Variants in MBNL1 observed in about 807,000 individuals in gnomAD.
The protein encoded by MBNL1 is muscleblind-like protein 1.
In MBNL1, 8 loss-of-function variants were observed where a neutral mutation model predicts 42.2. That is an observed-to-expected ratio of 0.19 (90% CI 0.11 to 0.34). MBNL1 has a LOEUF of 0.34. Ranked by LOEUF, MBNL1 falls within the 10% of genes least tolerant of loss-of-function variation. The pLI, the probability that MBNL1 is intolerant of heterozygous loss-of-function variation, is 1.00. For synonymous variants in MBNL1, 169 were observed against 173.9 expected (o/e 0.97, Z 0.22); for missense variants, 309 against 495.3 (o/e 0.62, Z 3.57).
chr3:152,453,550 T>A (rs1254454826), intron 6 of MBNL1, among the ~76,000 whole-genome samples: 1 of 152,226 alleles, frequency 6.6e-6, no homozygotes, highest in East Asian at 1.9e-4. Flanking sequence ...TAGTAGTAAA[T>A]CAACCCATGT....
intron 2 of MBNL1, among the ~76,000 whole-genome samples, chr3:152,313,215 G>A (rs910112867): frequency 6.6e-6 from 1 of 152,048 alleles, no homozygotes; most frequent in Non-Finnish European, 1.5e-5. Flanking sequence ...AATAGAGACA[G>A]GGTTTCACCA....
At chr3:152,456,087 C>A (rs912652607) in intron 7 of MBNL1, among the ~76,000 whole-genome samples, 180 bp from the exon 8 acceptor site, 7 of 152,074 alleles carry the variant, frequency 4.6e-5, no homozygotes, top group African/African-American at 1.7e-4. Context: ...CTCCCCTTCT[C>A]TCCTTGGAAT....
At chr3:152,436,908 C>G (rs2099085804) in intron 4 of MBNL1, among the ~76,000 whole-genome samples, 1 of 152,132 alleles carries the variant, frequency 6.6e-6, no homozygotes, top group Non-Finnish European at 1.5e-5. Flanking sequence ...AGCTTCCTGT[C>G]TTATTCTTGT....
intron 2 of MBNL1, among the ~76,000 whole-genome samples, chr3:152,326,884 C>T (rs2080661051): frequency 1.3e-5 from 2 of 151,684 alleles, no homozygotes; most frequent in African/African-American, 4.8e-5. Flanking sequence ...CTCACTGCAA[C>T]GTCTGCCTCC....
intron 1 of MBNL1, 25 bp from the exon 2 acceptor site, chr3:152,299,380 C>G (rs2059909535): frequency 1.6e-5 from 4 of 252,786 alleles, no homozygotes; most frequent in Non-Finnish European, 3.0e-5. Flanking sequence ...CTTAGTAAAT[C>G]TTAACCTATC....
Position 152,269,020 on chromosome 3 carries a change from G to A in MBNL1, c.-862G>A. 2.2e-6 allele frequency: 1 copy of A among 456,262 alleles called. No individual in the cohort carries two copies. Among genetic ancestry groups the A allele is most frequent in the Non-Finnish European group, 4.4e-6 (1 of 226,962 alleles). 28.3% of individuals were successfully genotyped at this position (456,262 alleles called of 1,614,324 possible). A position where few individuals can be genotyped will look rare whatever the true frequency, so the allele number is the denominator to read the frequency against. On this transcript the variant is annotated 5_prime_UTR_variant, in exon 1 of 10. Transcript: ENST00000324210. Reference sequence around the variant, plus strand: ...TTCCATTTTCCGTCGCGGGCATCTTGGAATCATGACTCCCACAATGCCTTG... The same window carrying A: ...TTCCATTTTCCGTCGCGGGCATCTTAGAATCATGACTCCCACAATGCCTTG...
At chr3:152,285,871 G>A (rs778474642) in intron 1 of MBNL1, among the ~76,000 whole-genome samples, 1 of 151,422 alleles carries the variant, frequency 6.6e-6, no homozygotes, top group African/African-American at 2.4e-5. Flanking sequence ...CAGTACTCCC[G>A]CCTTGGTCTC....
intron 2 of MBNL1, among the ~76,000 whole-genome samples, chr3:152,357,588 T>A (rs774236562): frequency 6.6e-6 from 1 of 152,054 alleles, no homozygotes; most frequent in Non-Finnish European, 1.5e-5. Flanking sequence ...TAATTGGAGT[T>A]TTAAGGGTAT....
intron 2 of MBNL1, among the ~76,000 whole-genome samples, chr3:152,301,239 A>G (rs982915321): frequency 2.0e-5 from 3 of 152,218 alleles, no homozygotes; most frequent in Non-Finnish European, 4.4e-5. Context: ...CTTTTAAAAG[A>G]TAACATAAAT....
chr3:152,438,482 C>T (rs142207540), intron 4 of MBNL1, among the ~76,000 whole-genome samples: 1 of 152,320 alleles, frequency 6.6e-6, no homozygotes, highest in African/African-American at 2.4e-5. Context: ...TGTTAACATT[C>T]TCCTTGGAAA....
chr3:152,317,997 C>T (rs543568977), intron 2 of MBNL1, among the ~76,000 whole-genome samples: 1 of 152,248 alleles, frequency 6.6e-6, no homozygotes, highest in Admixed American at 6.5e-5. Flanking sequence ...GAAAGTAGTC[C>T]TAAGACTGCA....
At chr3:152,366,219 T>A (rs1384773525) in intron 2 of MBNL1, among the ~76,000 whole-genome samples, 3 of 152,172 alleles carry the variant, frequency 2.0e-5, no homozygotes, top group Non-Finnish European at 4.4e-5. Flanking sequence ...GTTTGAACAT[T>A]GAGTAACAGG....
chr3:152,429,753 T>C (rs912468097), intron 3 of MBNL1, among the ~76,000 whole-genome samples: 11 of 152,028 alleles, frequency 7.2e-5, no homozygotes, highest in African/African-American at 2.7e-4. Flanking sequence ...ATGTAACAAA[T>C]TTACAAAAAT....
chr3:152,376,768 C>T (rs1046006985), intron 2 of MBNL1, among the ~76,000 whole-genome samples: 6 of 150,354 alleles, frequency 4.0e-5, no homozygotes, highest in African/African-American at 4.8e-5. Flanking sequence ...GCCACGCACT[C>T]TCTCTATATA....
chr3:152,339,504 A>G (rs1166728977), intron 2 of MBNL1, among the ~76,000 whole-genome samples: 2 of 151,406 alleles, frequency 1.3e-5, no homozygotes, highest in Admixed American at 1.3e-4. Flanking sequence ...CTCTATTTTC[A>G]GGCAGTAATC....
intron 1 of MBNL1, among the ~76,000 whole-genome samples, chr3:152,290,831 G>A (rs957121577): frequency 3.9e-5 from 6 of 152,116 alleles, no homozygotes; most frequent in African/African-American, 1.2e-4. Flanking sequence ...GTATTACTGT[G>A]TGTTGCATTT....
chr3:152,410,819 CATTG>C (rs1251840505), intron 2 of MBNL1, among the ~76,000 whole-genome samples: 2 of 152,196 alleles, frequency 1.3e-5, no homozygotes, highest in Non-Finnish European at 2.9e-5. Flanking sequence ...GGCAAATACA[CATTG>C]ATTAAGAGCC....
chr3:152,437,144 A>T (rs1273595503), intron 4 of MBNL1, among the ~76,000 whole-genome samples: 1 of 152,162 alleles, frequency 6.6e-6, no homozygotes, highest in Non-Finnish European at 1.5e-5. Context: ...TTAAATGTAT[A>T]CTCTACTTCT....
intron 2 of MBNL1, among the ~76,000 whole-genome samples, chr3:152,316,866 CTTTT>C (rs2071996167): frequency 6.6e-6 from 1 of 151,732 alleles, no homozygotes; most frequent in Non-Finnish European, 1.5e-5. Flanking sequence ...TCTTTTTCTT[CTTTT>C]ATTTATTTAT....
Sources: allele counts gnomAD v4.1 joint callset (sites outside exome capture counted in the v4.1 genomes callset), GRCh38; gene constraint gnomAD v4.1.1; transcripts MANE v1.5; gene names NCBI Gene and HGNC (gene_info 2026-07-23, HGNC 2026-07-21).